ZAN: variants seen among roughly 807,000 people sequenced by gnomAD.
ZAN encodes zonadhesin, also known as zonadhesin (gene/pseudogene).
In ZAN, 260 loss-of-function variants were observed where a neutral mutation model predicts 286.2. That is an observed-to-expected ratio of 0.91 (90% confidence interval 0.82 to 1.01). The LOEUF (loss-of-function observed/expected upper bound fraction) is 1.01, where lower values mean the gene tolerates loss of function less well. Among genes scored for constraint, ZAN ranks in the 50% least tolerant of loss-of-function variants. ZAN has a pLI of 0.00. For synonymous variants in ZAN, 1,368 were observed against 1,417.5 expected, an observed-to-expected ratio of 0.97 and a Z score of 0.79; for missense variants, 3,410 against 3,639.2, an observed-to-expected ratio of 0.94 and a Z score of 1.62.
intron 9 of ZAN, among the ~76,000 whole-genome samples, chr7:100,747,850 G>A (rs1233270414): frequency 6.6e-6 from 1 of 151,838 alleles, no homozygotes; most frequent in African/African-American, 2.4e-5. Context: ...AAATTAGGCG[G>A]GCACAGTGAT....
intron 27 of ZAN, among the ~76,000 whole-genome samples, chr7:100,769,129 T>C (rs1223689969): frequency 6.6e-6 from 1 of 152,174 alleles, no homozygotes; most frequent in Non-Finnish European, 1.5e-5. Context: ...AGTCACGCTC[T>C]GTCACCCAGG....
chr7:100,795,409 G>A, intron 45 of ZAN, 73 bp downstream of exon 45: 3 of 1,374,288 alleles, frequency 2.2e-6, no homozygotes, highest in Non-Finnish European at 2.8e-6. Context: ...GATTCTATAT[G>A]TATTATATTC....
chr7:100,738,406 C>T lies in ZAN; in HGVS notation c.614-55C>T. ...GTACTCTAGCCTGGGTGACAGAGAC[C>T]CTGTCTCTAAAAAAGAAGAAAACAT... On this transcript the variant is annotated intron_variant, in intron 6 of 47. Transcript: ENST00000613979. 2.2e-6 allele frequency: 3 copies of T among 1,369,622 alleles called. 1 individual carries two copies. Among genetic ancestry groups the T allele is most frequent in the Non-Finnish European group, 3.0e-6 (3 of 995,706 alleles). The allele number at this position is 1,369,622 out of a possible 1,614,324, so 84.8% of individuals were successfully genotyped here. A position where few individuals can be genotyped will look rare whatever the true frequency, so the allele number is the denominator to read the frequency against.
rs1302405166 is a variant in ZAN, at chr7:100,736,676, G to A, written c.253+47G>A. The A allele has an allele frequency of 1.2e-5, 18 of 1,512,062 alleles. 4 individuals carry two copies. Among genetic ancestry groups the A allele is most frequent in the Non-Finnish European group, 1.6e-5 (18 of 1,103,630 alleles). The allele number at this position is 1,512,062 out of a possible 1,614,324, so 93.7% of individuals were successfully genotyped here. A position where few individuals can be genotyped will look rare whatever the true frequency, so the allele number is the denominator to read the frequency against. The stretch of plus-strand genomic sequence containing the variant: ...GGGACCATGAGCAGGGAGGTGGCTG[G>A]GAGGCGGGAGTGGCTAGATGGAGAG... On this transcript the variant is annotated intron_variant, in intron 4 of 47. Transcript: ENST00000613979.
Position 100,795,241 on chromosome 7 carries a change from G to A in ZAN, c.8171G>A (p.Arg2724Gln), listed in dbSNP as rs961354317. The A allele has an allele frequency of 5.0e-6, 8 of 1,610,930 alleles. No homozygotes were observed. Among genetic ancestry groups the A allele is most frequent in the African/African-American group, 1.3e-5 (1 of 74,646 alleles). Residue 2724 changes from arginine to glutamine, a missense_variant, in exon 45 of 48, where the codon CGG becomes CAG. Physicochemically the swap from Arg to Gln is conservative, Grantham distance 43. Transcript: ENST00000613979. ...CCCTGTCAGAATGACGGGCAGTGTCGGGAGCAGGGAGCCACCTTCACCTGC... is the reference window on the plus strand; with the variant it reads ...CCCTGTCAGAATGACGGGCAGTGTCAGGAGCAGGGAGCCACCTTCACCTGC... ...QNPCQNDGQC[R>Q]EQGATFTCEC...
intron 37 of ZAN, among the ~76,000 whole-genome samples, chr7:100,787,306 A>G (rs769028722): frequency 2.0e-5 from 3 of 150,792 alleles, no homozygotes; most frequent in Non-Finnish European, 4.4e-5. Context: ...GTGCGCACCT[A>G]AAGTCCCAGC....
chr7:100,740,107 G>A (rs982856891), intron 7 of ZAN, among the ~76,000 whole-genome samples: 2 of 140,024 alleles, frequency 1.4e-5, no homozygotes, highest in South Asian at 2.2e-4. Flanking sequence ...TGGGGCTGTC[G>A]GGGAAGGAGG....
Position 100,776,407 on chromosome 7 carries a change from C to G in ZAN, c.6193-33C>G, listed in dbSNP as rs570122053. ...AGGGAGAAAAACTGTTCTCGTGCTT[C>G]CCCAGCACCGAAAAACCACTCTCCC... On this transcript the variant is annotated intron_variant, in intron 33 of 47. Transcript: ENST00000613979. 244 of 1,590,946 alleles carry G rather than the reference C, an allele frequency of 1.5e-4. 1 individual carries two copies. In the South Asian group the frequency reaches 2.7e-3, roughly 18 times the overall value.
intron 41 of ZAN, 72 bp from the exon 42 acceptor site, chr7:100,792,333 T>G: frequency 6.5e-7 from 1 of 1,526,860 alleles, no homozygotes; most frequent in Non-Finnish European, 8.8e-7. Context: ...GGTTCCAGGC[T>G]CTCTTCTGCA....
intron 19 of ZAN, among the ~76,000 whole-genome samples, chr7:100,761,124 C>A (rs1470790654): frequency 6.6e-6 from 1 of 152,120 alleles, no homozygotes; most frequent in Non-Finnish European, 1.5e-5. Context: ...GAACTCCTGA[C>A]TTCAGGCGAT....
intron 35 of ZAN, among the ~76,000 whole-genome samples, chr7:100,780,946 C>A (rs1811159726): frequency 6.6e-6 from 1 of 150,644 alleles, no homozygotes; most frequent in African/African-American, 2.5e-5. Flanking sequence ...ATTAAAAAAA[C>A]AAAAGACAAG....
chr7:100,764,313 G>A (rs1365626967), intron 22 of ZAN, 117 bp downstream of exon 22: 16 of 1,270,824 alleles, frequency 1.3e-5, no homozygotes, highest in Non-Finnish European at 3.1e-6. Context: ...GACCAGCCTG[G>A]CCAACACCCC....
chr7:100,774,917 GTTTTTTGT>G (rs140345099), intron 31 of ZAN, among the ~76,000 whole-genome samples: 8,983 of 112,514 alleles, frequency 0.08, 1,298 homozygotes, highest in East Asian at 0.52. Context: ...TGGCCCTGGG[GTTTTTTGT>G]TTGTTTGTTT....
intron 7 of ZAN, among the ~76,000 whole-genome samples, chr7:100,745,009 G>C (rs1023207524): frequency 6.6e-6 from 1 of 151,084 alleles, no homozygotes. Flanking sequence ...TCAGCCTCCC[G>C]AGTAGCTGGG....
rs370273250 is a variant in ZAN at position 100,775,851 on chromosome 7, C to G, written c.6192+18C>G. 1.9e-6 allele frequency: 3 copies of G among 1,611,690 alleles called. No individual in the cohort carries two copies. The highest frequency in any genetic ancestry group is 2.5e-6 in the Non-Finnish European group (3 of 1,178,768). The stretch of plus-strand genomic sequence containing the variant: ...ATGGAAAGGTGAGGAAAACATCTGG[C>G]TCTTCTCGCTGGGGAGGCAGCCCCA... On this transcript the variant is annotated intron_variant, in intron 33 of 47. Transcript: ENST00000613979.
At chr7:100,743,930 T>A (rs1245950358) in intron 7 of ZAN, among the ~76,000 whole-genome samples, 1 of 151,278 alleles carries the variant, frequency 6.6e-6, no homozygotes, top group Non-Finnish European at 1.5e-5. Flanking sequence ...TTGCCCAGGC[T>A]GGTCTCAAAC....
chr7:100,763,768 G>GC lies in ZAN; in HGVS notation c.3987-37dup, dbSNP rs3215395. ...TGGGTTAGGGATGAGCTGGAAGCGAGCTTTGTCTTTAGGGAGTTTGGGGTG... is the reference window on the plus strand; with the variant it reads ...TGGGTTAGGGATGAGCTGGAAGCGAGCCTTTGTCTTTAGGGAGTTTGGGGTG... On this transcript the variant is annotated intron_variant, in intron 20 of 47. Coordinates refer to ENST00000613979, the MANE Select transcript of ZAN (RefSeq NM_003386.3). The surrounding 1 kb of genome is among the most constrained non-coding windows in gnomAD (Gnocchi z 4.6). 0.3 allele frequency: 482,984 copies of GC among 1,600,634 alleles called. 75,018 individuals carry two copies. Among genetic ancestry groups the GC allele is most frequent in the South Asian group, 0.44 (40,061 of 90,708 alleles).
At chr7:100,790,065 C>G (rs577667657) in intron 39 of ZAN, among the ~76,000 whole-genome samples, 1 of 151,606 alleles carries the variant, frequency 6.6e-6, no homozygotes, top group Non-Finnish European at 1.5e-5. Flanking sequence ...TCGAGACCAG[C>G]CTGGGCAACA....
In ZAN at chr7:100,763,867, T is replaced by A. The variant is rs777932067; in HGVS notation, c.4048T>A (p.Ser1350Thr). Residue 1350 changes from serine to threonine, a missense_variant, in exon 21 of 48, where the codon TCG becomes ACG. Physicochemically the swap from Ser to Thr is moderately conservative, Grantham distance 58. This residue lies in a region of ZAN where 1,042 missense variants were observed against 1,058.0 expected (regional missense o/e 0.98). Coordinates refer to ENST00000613979, the MANE Select transcript of ZAN (RefSeq NM_003386.3). The surrounding 1 kb of genome is among the most constrained non-coding windows in gnomAD (Gnocchi z 4.6). ...TGATTCATCTCTGCAGAGCAGCATGTCGGGGCCAGGGTTCTGTGGACGGCT... is the reference window on the plus strand; with the variant it reads ...TGATTCATCTCTGCAGAGCAGCATGACGGGGCCAGGGTTCTGTGGACGGCT... ...SCDSSLQSSMSGPGFCGRLVD... is the reference protein window; with the variant it reads ...SCDSSLQSSMTGPGFCGRLVD... The A allele has an allele frequency of 1.2e-6, 2 of 1,614,034 alleles. No homozygotes were observed. Among genetic ancestry groups the A allele is most frequent in the Non-Finnish European group, 8.5e-7 (1 of 1,179,874 alleles).
Sources: gnomAD v4.1 joint callset for allele counts (sites outside exome capture counted in the v4.1 genomes callset) on GRCh38, gnomAD v4.1.1 for gene constraint, gnomAD v4.1.1 regional missense constraint, Gnocchi (gnomAD v3.1) non-coding constraint, MANE v1.5 for transcripts, NCBI Gene and HGNC (gene_info 2026-07-23, HGNC 2026-07-21) for gene names.